The following SARS1 variants were observed in gnomAD, a reference collection of about 807,000 sequenced individuals.
The protein encoded by SARS1 is serine--tRNA ligase, cytoplasmic.
Under a neutral mutation model 63.7 loss-of-function variants are expected in SARS1, and 25 were observed. That is an observed-to-expected ratio of 0.39 (90% CI 0.29 to 0.55). SARS1 has a LOEUF of 0.55. Ranked by LOEUF, SARS1 falls within the 20% of genes least tolerant of loss-of-function variation. The pLI is 0.62. For missense variants in SARS1, 417 were observed against 649.7 expected (o/e 0.64, Z 3.89); for synonymous variants, 231 against 243.5 (o/e 0.95, Z 0.48).
Position 109,227,837 on chromosome 1 carries a change from T to C in SARS1, c.208-515T>C, listed in dbSNP as rs190644637. On this transcript the variant is annotated intron_variant, in intron 2 of 10. Transcript: ENST00000234677. ...GGGAGGCTGAGGCAGGAGAATCACT[T>C]GAAACCGGAAGGCGGAGCTTGCAGT... is the stretch of plus-strand genomic sequence containing the variant. Among the ~76,000 whole-genome samples, 18 of 150,846 alleles carry C rather than the reference T, an allele frequency of 1.2e-4. No homozygotes were observed. The East Asian group carries it at 2.0e-3, about 16-fold the overall frequency.
chr1:109,225,409 C>T (rs914510386), intron 2 of SARS1, among the ~76,000 whole-genome samples: 1 of 152,050 alleles, frequency 6.6e-6, no homozygotes, highest in Non-Finnish European at 1.5e-5. Context: ...TACTAGAGGC[C>T]CCATAATTAT....
intron 2 of SARS1, among the ~76,000 whole-genome samples, chr1:109,225,335 T>G (rs1655041859): frequency 6.6e-6 from 1 of 152,158 alleles, no homozygotes; most frequent in African/African-American, 2.4e-5. Flanking sequence ...GTGTAACACT[T>G]TTAGCTGTGG....
At chr1:109,236,285 A>T (rs1655308098) in intron 8 of SARS1, 106 bp from the exon 9 acceptor site, 2 of 1,336,384 alleles carry the variant, frequency 1.5e-6, no homozygotes, top group Non-Finnish European at 2.1e-6. Context: ...GTGTGATTTC[A>T]CCTCTGGAGA....
At chr1:109,229,849 G>A (rs573335325) in intron 4 of SARS1, among the ~76,000 whole-genome samples, 7 of 152,296 alleles carry the variant, frequency 4.6e-5, no homozygotes, top group African/African-American at 4.8e-5. Context: ...CAGGCATCTC[G>A]TGGGAGGGAT....
At chr1:109,228,020 C>T (rs755911031) in intron 2 of SARS1, among the ~76,000 whole-genome samples, 5 of 151,634 alleles carry the variant, frequency 3.3e-5, no homozygotes, top group African/African-American at 9.7e-5. Context: ...ATGAGCATTT[C>T]GAATAAATTC....
chr1:109,216,673 C>A, intron 1 of SARS1: 1 of 829,776 alleles, frequency 1.2e-6, no homozygotes, highest in Non-Finnish European at 1.5e-6. Flanking sequence ...CTCACTGTGT[C>A]ACCCAGGCAT....
At chr1:109,228,692 TATATAACTCC>T (rs955849292) in intron 3 of SARS1, among the ~76,000 whole-genome samples, 1 of 152,244 alleles carries the variant, frequency 6.6e-6, no homozygotes, top group African/African-American at 2.4e-5. Flanking sequence ...GTGTTTGGTT[TATATAACTCC>T]ATATTCTACC....
chr1:109,221,991 TATATATATATATATATATA>T (rs1267570095), intron 1 of SARS1, among the ~76,000 whole-genome samples: 7 of 13,076 alleles, frequency 5.4e-4, no homozygotes, highest in African/African-American at 1.9e-3. Context: ...TATATATATA[TATATATATATATATATATA>T]TTTTTTTTTT....
intron 6 of SARS1, among the ~76,000 whole-genome samples, chr1:109,233,678 T>C (rs894331066): frequency 5.9e-5 from 9 of 151,790 alleles, no homozygotes; most frequent in African/African-American, 2.2e-4. Context: ...CTTAGCATTA[T>C]TTTTAATTTT....
intron 1 of SARS1, among the ~76,000 whole-genome samples, chr1:109,219,902 C>T (rs1195135902): frequency 6.6e-6 from 1 of 152,160 alleles, no homozygotes; most frequent in Admixed American, 6.5e-5. Context: ...CTATATAATA[C>T]TCCATTATGT....
intron 1 of SARS1, chr1:109,216,861 G>T (rs554418679): frequency 1.1e-6 from 1 of 915,332 alleles, no homozygotes; most frequent in Non-Finnish European, 1.3e-6. Flanking sequence ...GGCCTCAAGC[G>T]ATCCTCCCAC....
At chr1:109,219,518 C>CTT (rs1248321342) in intron 1 of SARS1, among the ~76,000 whole-genome samples, 1 of 142,710 alleles carries the variant, frequency 7.0e-6, no homozygotes, top group Non-Finnish European at 1.5e-5. Flanking sequence ...TGGCTTCTTT[C>CTT]TTTTTTTTTT....
chr1:109,223,992 G>C lies in SARS1; in HGVS notation c.151G>C (p.Asp51His). ...TTTATTCCTAGGTAGATTTCGGGCA[G>C]ACAACTTGAACAAGCTGAAGAACCT... The part of the protein sequence containing the change: ...SEWRRCRFRA[D>H]NLNKLKNLCS... Residue 51 changes from aspartate (D) to histidine (H), a missense_variant, in exon 2 of 11, where the codon GAC becomes CAC. By Grantham distance (81) the Asp-to-His change is moderately conservative. Around this residue, in one of 3 missense-constraint regions of SARS1, gnomAD observed 359 missense variants for 529.6 expected, o/e 0.68. Transcript: ENST00000234677. The C allele has an allele frequency of 6.2e-7, 1 of 1,613,298 alleles. No individual in the cohort carries two copies. The highest frequency in any genetic ancestry group is 8.5e-7 in the Non-Finnish European group (1 of 1,179,336).
rs112937291 is a variant in SARS1 at position 109,231,537 on chromosome 1, G to C, written c.592-94G>C. The stretch of plus-strand genomic sequence containing the variant: ...CTCCTGCTTGCCCCTCGGTAGTCCT[G>C]TTCTCTTGGCCCAGGTGCCTTTAGG... On this transcript the variant is annotated intron_variant, in intron 5 of 10. Transcript: ENST00000234677. The C allele has an allele frequency of 5.4e-3, 6,126 of 1,144,092 alleles. 222 individuals are homozygous for C. The African/African-American group carries it at 0.085, about 16-fold the overall frequency. 70.9% of individuals were successfully genotyped at this position (1,144,092 alleles called of 1,614,324 possible). A position where few individuals can be genotyped will look rare whatever the true frequency, so the allele number is the denominator to read the frequency against.
In SARS1 at chr1:109,235,466, T is replaced by A. The variant is rs762831946; in HGVS notation, c.969+35T>A. ...TGGGTCAGGGTAAGGAGTGGAACTTTCTCTGTCTCCAGAATGGTTAGATGA... is the reference window on the plus strand; with the variant it reads ...TGGGTCAGGGTAAGGAGTGGAACTTACTCTGTCTCCAGAATGGTTAGATGA... On this transcript the variant is annotated intron_variant, in intron 7 of 10. Transcript: ENST00000234677. The surrounding 1 kb of genome is among the most constrained non-coding windows in gnomAD (Gnocchi z 4.7). The A allele has an allele frequency of 1.4e-5, 22 of 1,533,340 alleles. No individual in the cohort carries two copies. Among genetic ancestry groups the A allele is most frequent in the Non-Finnish European group, 2.0e-5 (22 of 1,116,370 alleles). 95.0% of individuals were successfully genotyped at this position (1,533,340 alleles called of 1,614,324 possible). A position where few individuals can be genotyped will look rare whatever the true frequency, so the allele number is the denominator to read the frequency against.
At chr1:109,218,595 C>A (rs1654847539) in intron 1 of SARS1, among the ~76,000 whole-genome samples, 1 of 152,072 alleles carries the variant, frequency 6.6e-6, no homozygotes, top group Non-Finnish European at 1.5e-5. Flanking sequence ...TTTACAAAGT[C>A]CCCCATGCCT....
intron 1 of SARS1, among the ~76,000 whole-genome samples, chr1:109,222,484 C>G (rs1009252851): frequency 6.6e-6 from 1 of 152,170 alleles, no homozygotes; most frequent in African/African-American, 2.4e-5. Context: ...ATCCTTCTTG[C>G]TATCTCTTTG....
In SARS1 at chr1:109,231,199, C is replaced by G. The variant is rs188254854; in HGVS notation, c.591+178C>G. On this transcript the variant is annotated intron_variant, in intron 5 of 10. Coordinates refer to ENST00000234677, the MANE Select transcript of SARS1 (RefSeq NM_006513.4). ...ATTAGATGCAATTCTCTTTCTAAAG[C>G]AAGAGAGGGCTTATCAGGATTCCGT... is the stretch of plus-strand genomic sequence containing the variant. 162 of 333,952 alleles carry G rather than the reference C, an allele frequency of 4.9e-4. 2 individuals carry two copies. The highest frequency in any genetic ancestry group is 1.6e-3 in the Admixed American group (33 of 20,016). The allele number at this position is 333,952 out of a possible 1,614,324, so 20.7% of individuals were successfully genotyped here. A position where few individuals can be genotyped will look rare whatever the true frequency, so the allele number is the denominator to read the frequency against.
intron 1 of SARS1, among the ~76,000 whole-genome samples, chr1:109,219,673 T>C (rs996639744): frequency 1.3e-5 from 2 of 151,840 alleles, no homozygotes; most frequent in African/African-American, 2.4e-5. Flanking sequence ...CCACCATGCC[T>C]GGCTAATTTT....
Sources: allele counts gnomAD v4.1 joint callset (sites outside exome capture counted in the v4.1 genomes callset), GRCh38; gene constraint gnomAD v4.1.1; regional missense constraint gnomAD v4.1.1; non-coding constraint Gnocchi (gnomAD v3.1); transcripts MANE v1.5; gene names NCBI Gene and HGNC (gene_info 2026-07-23, HGNC 2026-07-21).